ABLIM1: variants seen among roughly 807,000 people sequenced by gnomAD.
ABLIM1 encodes actin-binding LIM protein 1.
In ABLIM1, 40 loss-of-function variants were observed where a neutral mutation model predicts 107.0. The ratio of observed to expected loss-of-function variants is 0.37; its 90% CI spans 0.29 to 0.49. The LOEUF is 0.49. Ranked by LOEUF, ABLIM1 falls within the 20% of genes least tolerant of loss-of-function variation. ABLIM1 has a pLI of 0.97. For synonymous variants in ABLIM1, 357 were observed against 357.3 expected (o/e 1.00, Z 0.01); for missense variants, 857 against 1,008.5 (o/e 0.85, Z 2.04).
intron 1 of ABLIM1, chr10:114,610,754 C>T (rs2076751039): frequency 6.6e-6 from 1 of 152,172 alleles, no homozygotes; most frequent in African/African-American, 2.4e-5. Flanking sequence ...TTTTCTTATA[C>T]CATGTGAGTT....
chr10:114,511,567 T>C (rs1028899429), intron 6 of ABLIM1, among the ~76,000 whole-genome samples: 3 of 152,086 alleles, frequency 2.0e-5, no homozygotes, highest in East Asian at 1.9e-4. Flanking sequence ...AGTTTCATCA[T>C]GTTGGCCAGG....
At chr10:114,450,917 G>A (rs12220618) in intron 14 of ABLIM1, among the ~76,000 whole-genome samples, 30,618 of 151,998 alleles carry the variant, frequency 0.2, 3,591 homozygotes, top group African/African-American at 0.33. Flanking sequence ...TAATGGTGGA[G>A]GAAAATGTGA....
At chr10:114,468,264 T>C (rs1293603232) in intron 10 of ABLIM1, 48 bp from the exon 11 acceptor site, 13 of 1,578,320 alleles carry the variant, frequency 8.2e-6, no homozygotes, top group Non-Finnish European at 1.1e-5. Context: ...GTTAACTCTT[T>C]GCCGTTTTGT....
At chr10:114,585,003 C>T (rs2074028065) in intron 2 of ABLIM1, among the ~76,000 whole-genome samples, 1 of 148,168 alleles carries the variant, frequency 6.7e-6, no homozygotes, top group African/African-American at 2.7e-5. Flanking sequence ...TATTCTCACT[C>T]AGTTTTTTTT....
intron 1 of ABLIM1, among the ~76,000 whole-genome samples, chr10:114,609,168 T>C (rs1170489191): frequency 2.0e-5 from 3 of 152,236 alleles, no homozygotes. Context: ...TGCTAAGTGA[T>C]GTGATCACAG....
chr10:114,623,814 A>C (rs1212617859), intron 1 of ABLIM1, among the ~76,000 whole-genome samples: 1 of 152,218 alleles, frequency 6.6e-6, no homozygotes, highest in African/African-American at 2.4e-5. Context: ...GAAGTATTAA[A>C]AAAGCCAGGA....
chr10:114,606,667 G>A (rs1412839270), intron 1 of ABLIM1, among the ~76,000 whole-genome samples: 1 of 152,106 alleles, frequency 6.6e-6, no homozygotes, highest in Non-Finnish European at 1.5e-5. Context: ...TAAGCCTTTG[G>A]AACAACACGG....
At chr10:114,476,646 A>AAATAATAAT (rs141618382) in intron 8 of ABLIM1, among the ~76,000 whole-genome samples, 12,196 of 143,182 alleles carry the variant, frequency 0.085, 565 homozygotes, top group Non-Finnish European at 0.099. Flanking sequence ...CTCTGCCTCA[A>AAATAATAAT]AATAATAATA....
At chr10:114,524,376 A>T (rs1216672210) in intron 6 of ABLIM1, among the ~76,000 whole-genome samples, 1 of 152,258 alleles carries the variant, frequency 6.6e-6, no homozygotes, top group Admixed American at 6.5e-5. Flanking sequence ...CTTCATCGTT[A>T]TCTGTAAATT....
At chr10:114,468,870 T>G (rs1477323609) in intron 10 of ABLIM1, among the ~76,000 whole-genome samples, 2 of 151,578 alleles carry the variant, frequency 1.3e-5, no homozygotes, top group African/African-American at 4.8e-5. Context: ...GCTAACATGG[T>G]GAAACCCCGT....
the ABLIM1 span, among the ~76,000 whole-genome samples, chr10:114,801,362 G>A: frequency 1.3e-5 from 2 of 152,132 alleles, no homozygotes; most frequent in African/African-American, 2.4e-5. Context: ...CATTGAGTAC[G>A]CGGAGGAAGA....
chr10:114,705,328 C>T (rs2141890344), intron 1 of ABLIM1, among the ~76,000 whole-genome samples: 1 of 152,262 alleles, frequency 6.6e-6, no homozygotes, highest in Non-Finnish European at 1.5e-5. Context: ...GGTTAGGATA[C>T]AAAACCCATA....
intron 6 of ABLIM1, among the ~76,000 whole-genome samples, chr10:114,514,198 C>T (rs889605124): frequency 1.3e-5 from 2 of 150,908 alleles, no homozygotes; most frequent in Admixed American, 6.6e-5. Context: ...CCAAGGTGGG[C>T]GGATCACTTG....
At chr10:114,486,198 T>C (rs1080709) in intron 8 of ABLIM1, among the ~76,000 whole-genome samples, 28,245 of 152,212 alleles carry the variant, frequency 0.19, 2,812 homozygotes, top group Middle Eastern at 0.26. Context: ...AGAGTGTTGT[T>C]GGTTTTTAAA....
chr10:114,443,060 G>T (rs572965732), intron 17 of ABLIM1, among the ~76,000 whole-genome samples: 1 of 151,948 alleles, frequency 6.6e-6, no homozygotes, highest in Admixed American at 6.6e-5. Flanking sequence ...GGATGGTCTC[G>T]ATCTCCTGAC....
At chr10:114,652,388 G>A (rs2079290510) in intron 1 of ABLIM1, among the ~76,000 whole-genome samples, 1 of 152,184 alleles carries the variant, frequency 6.6e-6, no homozygotes, top group Non-Finnish European at 1.5e-5. Flanking sequence ...TTGAAAACAG[G>A]TTGGTATTGC....
intron 10 of ABLIM1, among the ~76,000 whole-genome samples, chr10:114,471,612 C>A (rs1257123727): frequency 6.6e-6 from 1 of 151,918 alleles, no homozygotes; most frequent in East Asian, 1.9e-4. Context: ...CCACGCAGAG[C>A]TATGCTCTGG....
At chr10:114,672,345 C>T (rs2080292599) in intron 1 of ABLIM1, among the ~76,000 whole-genome samples, 1 of 152,076 alleles carries the variant, frequency 6.6e-6, no homozygotes, top group East Asian at 1.9e-4. Flanking sequence ...GGACTACAGG[C>T]ATGTGCCACC....
At chr10:114,618,070 T>C (rs2077240904) in intron 1 of ABLIM1, among the ~76,000 whole-genome samples, 1 of 152,238 alleles carries the variant, frequency 6.6e-6, no homozygotes, top group South Asian at 2.1e-4. Context: ...TGGTGTTTTT[T>C]CTTAACACTA....
Sources: gnomAD v4.1 joint callset for allele counts (sites outside exome capture counted in the v4.1 genomes callset) on GRCh38, gnomAD v4.1.1 for gene constraint, MANE v1.5 for transcripts, NCBI Gene and HGNC (gene_info 2026-07-23, HGNC 2026-07-21) for gene names.